The following BTN2A1 variants were observed in gnomAD, a reference collection of about 807,000 sequenced individuals.
The protein encoded by BTN2A1 is butyrophilin subfamily 2 member A1, also known as butyrophilin, subfamily 2, member A1.
Under a neutral mutation model 34.5 loss-of-function variants are expected in BTN2A1, and 41 were observed. The observed-to-expected ratio is 1.19, with a 90% confidence interval of 0.93 to 1.54. The LOEUF is 1.54. Ranked by LOEUF, BTN2A1 falls within the 40% of genes most tolerant of loss-of-function variation. The probability of loss-of-function intolerance (pLI) is 0.00; values close to 1 mark genes in which losing one functional copy is unlikely to be tolerated. For synonymous variants in BTN2A1, 267 were observed against 258.6 expected, an observed-to-expected ratio of 1.03 and a Z score of -0.31; for missense variants, 642 against 662.0, an observed-to-expected ratio of 0.97 and a Z score of 0.33.
At position 26,465,376 on chromosome 6, in the gene BTN2A1, G is replaced by C; in HGVS notation, c.904G>C (p.Val302Leu). ...IALKELEKER[V>L]QKEEELQVKE... ...TCTAAAGGAACTGGAGAAAGAACGT[G>C]TGCAAAAAGAGGAAGAACTTCAAGT... Residue 302 changes from valine (V) to leucine (L), a missense_variant, in exon 5 of 8, where the codon GTG becomes CTG. By Grantham distance (32) the Val-to-Leu change is conservative. Coordinates refer to ENST00000312541, the MANE Select transcript of BTN2A1 (RefSeq NM_007049.5). The C allele has an allele frequency of 6.2e-7, 1 of 1,614,020 alleles. No homozygotes were observed. Among genetic ancestry groups the C allele is most frequent in the Non-Finnish European group, 8.5e-7 (1 of 1,179,986 alleles).
In BTN2A1 at chr6:26,463,362, T is replaced by G. The variant is rs1581670471; in HGVS notation, c.549T>G (p.Gly183=). ...KPLTVWRDPY[G]GVAPALKEVS... ...TCACAGTGTGGAGGGACCCCTACGG[T>G]GGGGTTGCGCCTGCCCTGAAAGAGG... Residue 183 remains glycine, a synonymous_variant, in exon 4 of 8, where the codon GGT becomes GGG. Coordinates refer to ENST00000312541, the MANE Select transcript of BTN2A1 (RefSeq NM_007049.5). The G allele has an allele frequency of 6.2e-7, 1 of 1,613,870 alleles. No homozygotes were observed. The highest frequency in any genetic ancestry group is 8.5e-7 in the Non-Finnish European group (1 of 1,179,948).
Position 26,468,258 on chromosome 6 carries a change from C to T in BTN2A1, c.1293C>T (p.Tyr431=), listed in dbSNP as rs748215931. 1 of 1,614,218 alleles carries T rather than the reference C, an allele frequency of 6.2e-7. No individual in the cohort carries two copies. The highest frequency in any genetic ancestry group is 1.3e-5 in the African/African-American group (1 of 75,052). The change falls in exon 8 of 8, where the codon TAC becomes TAT. Residue 431 remains tyrosine, a synonymous_variant. Transcript: ENST00000312541. ...CCTTGGAGATGCATAAAGGGCAATA[C>T]CGGGCCGTGTCCTCCCCTGATAGGA... is the stretch of plus-strand genomic sequence containing the variant. The part of the protein sequence containing the change: ...FWTLEMHKGQ[Y]RAVSSPDRIL...
At chr6:26,472,062 T>G (rs1461504732), downstream of BTN2A1, among the ~76,000 whole-genome samples, 2 of 152,252 alleles carry the variant, frequency 1.3e-5, no homozygotes, top group African/African-American at 4.8e-5. Flanking sequence ...CAAGGGCTGA[T>G]CTGAGAGCTT....
At chr6:26,476,261 A>G in exon 8 of BTN2A1, 2 of 1,307,024 alleles carry the variant, frequency 1.5e-6, no homozygotes, top group Non-Finnish European at 2.1e-6. Context: ...TCCAAGTTGG[A>G]AAGAACTGCT....
chr6:26,465,036 G>A (rs1376589599), intron 4 of BTN2A1, 149 bp from the exon 5 acceptor site: 1 of 683,378 alleles, frequency 1.5e-6, no homozygotes, highest in East Asian at 2.7e-5. Flanking sequence ...AGCCAGGTGT[G>A]AGCCAGCATC....
chr6:26,467,027 C>A (rs1162921700), intron 7 of BTN2A1, among the ~76,000 whole-genome samples: 1 of 152,138 alleles, frequency 6.6e-6, no homozygotes, highest in Non-Finnish European at 1.5e-5. Flanking sequence ...TGCCCACAGA[C>A]CCCTCAGGCA....
chr6:26,462,829 G>A (rs1763201398), intron 3 of BTN2A1: 3 of 1,282,970 alleles, frequency 2.3e-6, no homozygotes, highest in Non-Finnish European at 2.0e-6. Flanking sequence ...CTGAGAAGTC[G>A]TCCCAGAAGC....
At chr6:26,467,850 T>A (rs1465921433) in intron 7 of BTN2A1, 98 bp from the exon 8 acceptor site, 2 of 1,561,404 alleles carry the variant, frequency 1.3e-6, no homozygotes, top group Non-Finnish European at 1.7e-6. Flanking sequence ...TACGTGGGGA[T>A]CCCTTCAGAG....
chr6:26,458,468 G>A lies in BTN2A1; in HGVS notation c.-30-139G>A, dbSNP rs548365439. The A allele has an allele frequency of 4.5e-5, 31 of 690,806 alleles. No homozygotes were observed. The South Asian group carries it at 5.0e-4, about 11-fold the overall frequency. 42.8% of individuals were successfully genotyped at this position (690,806 alleles called of 1,614,324 possible). A position where few individuals can be genotyped will look rare whatever the true frequency, so the allele number is the denominator to read the frequency against. The stretch of plus-strand genomic sequence containing the variant: ...AATGTTTAAGGAATCCCTCTCTCGG[G>A]ACATACCTGAGCCTTCGGATGCAGG... On this transcript the variant is annotated intron_variant, in intron 1 of 7. Transcript: ENST00000312541.
chr6:26,465,963 A>G lies in BTN2A1; in HGVS notation c.945A>G (p.Gln315=). ...TTGTTTGTTTTTCAGAGAAACTTCA[A>G]GAAGAATTGCGTAAGTTTAGCCTTT... ...EEELQVKEKL[Q]EELRWRRTFL... The change falls in exon 6 of 8, where the codon CAA becomes CAG. Residue 315 remains glutamine, a synonymous_variant. Coordinates refer to ENST00000312541, the MANE Select transcript of BTN2A1 (RefSeq NM_007049.5). 1 of 1,614,258 alleles carries G rather than the reference A, an allele frequency of 6.2e-7. No homozygotes were observed. The highest frequency in any genetic ancestry group is 8.5e-7 in the Non-Finnish European group (1 of 1,180,040).
At chr6:26,466,285 C>G (rs984096774) in intron 7 of BTN2A1, among the ~76,000 whole-genome samples, 197 bp downstream of exon 7, 2 of 152,182 alleles carry the variant, frequency 1.3e-5, no homozygotes, top group African/African-American at 4.8e-5. Flanking sequence ...TCAATCCACC[C>G]TATGGTTTAC....
chr6:26,462,178 A>G (rs1763184079), intron 3 of BTN2A1, among the ~76,000 whole-genome samples: 1 of 152,240 alleles, frequency 6.6e-6, no homozygotes, highest in Non-Finnish European at 1.5e-5. Context: ...TCCCAGGACC[A>G]CGCTTTTGCA....
exon 8 of BTN2A1, chr6:26,476,316 G>C: frequency 1.2e-6 from 1 of 839,560 alleles, no homozygotes. Context: ...CTATTCATCA[G>C]CTAGGCTGAA....
chr6:26,458,277 T>C, intron 1 of BTN2A1, 135 bp downstream of exon 1: 1 of 242,380 alleles, frequency 4.1e-6, no homozygotes, highest in Non-Finnish European at 8.1e-6. Flanking sequence ...CTCGCCTGTC[T>C]TTGCCTCAGG....
In BTN2A1 at chr6:26,463,353, C is replaced by CTT. The variant is rs1763218933; in HGVS notation, c.540_541insTT (p.Pro181PhefsTer10). On this transcript the variant is annotated frameshift_variant, in exon 4 of 8. Coordinates refer to ENST00000312541, the MANE Select transcript of BTN2A1 (RefSeq NM_007049.5). LOFTEE classifies it high-confidence loss of function. ...CAAAGCCCCTCACAGTGTGGAGGGACCCCTACGGTGGGGTTGCGCCTGCCC... is the reference window on the plus strand; with the variant it reads ...CAAAGCCCCTCACAGTGTGGAGGGACTTCCCTACGGTGGGGTTGCGCCTGCCC... The CTT allele has an allele frequency of 6.2e-7, 1 of 1,613,882 alleles. No homozygotes were observed. Among genetic ancestry groups the CTT allele is most frequent in the Non-Finnish European group, 8.5e-7 (1 of 1,179,984 alleles).
At chr6:26,475,504 A>C (rs1763521865) in intron 7 of BTN2A1, among the ~76,000 whole-genome samples, 1 of 152,218 alleles carries the variant, frequency 6.6e-6, no homozygotes, top group African/African-American at 2.4e-5. Flanking sequence ...GCTTCACTTA[A>C]GGATTTTTTC....
intron 2 of BTN2A1, among the ~76,000 whole-genome samples, 173 bp from the exon 3 acceptor site, chr6:26,459,308 G>C (rs769353238): frequency 2.0e-5 from 3 of 152,176 alleles, no homozygotes; most frequent in Non-Finnish European, 4.4e-5. Context: ...TATAGTTACT[G>C]CTCCCAGGGG....
rs1389484537 is a variant in BTN2A1, at chr6:26,467,946, A to C, written c.983-2A>C. On this transcript the variant is annotated splice_acceptor_variant, in intron 7 of 7. Transcript: ENST00000312541. LOFTEE classifies it high-confidence loss of function. ...GGCCTAAACCTGAGACTTCCTCTGC[A>C]GTTGATGTGGTCCTGGATCCAGACA... 1 of 1,610,334 alleles carries C rather than the reference A, an allele frequency of 6.2e-7. No homozygotes were observed. Among genetic ancestry groups the C allele is most frequent in the African/African-American group, 1.3e-5 (1 of 74,780 alleles).
intron 4 of BTN2A1, among the ~76,000 whole-genome samples, chr6:26,464,895 T>C (rs1763267136): frequency 6.6e-6 from 1 of 151,824 alleles, no homozygotes; most frequent in African/African-American, 2.4e-5. Context: ...CAGGCGTGAG[T>C]GATGGTAGCT....
Sources: allele counts gnomAD v4.1 joint callset (sites outside exome capture counted in the v4.1 genomes callset), GRCh38; gene constraint gnomAD v4.1.1; transcripts MANE v1.5; gene names NCBI Gene and HGNC (gene_info 2026-07-23, HGNC 2026-07-21).